Variants in MIPEP observed in about 807,000 individuals in gnomAD.
MIPEP encodes the protein mitochondrial intermediate peptidase.
Under a neutral mutation model 90.3 loss-of-function variants are expected in MIPEP, and 79 were observed. That is an observed-to-expected ratio of 0.87 (90% CI 0.73 to 1.05). The LOEUF is 1.05. Among genes scored for constraint, MIPEP ranks in the 50% least tolerant of loss-of-function variants. MIPEP has a pLI of 0.00. For missense variants in MIPEP, 940 were observed against 905.6 expected (o/e 1.04, Z -0.49); for synonymous variants, 334 against 315.8 (o/e 1.06, Z -0.61).
chr13:23,804,204 CTT>C (rs1343961665), intron 16 of MIPEP, among the ~76,000 whole-genome samples: 1 of 152,178 alleles, frequency 6.6e-6, no homozygotes, highest in East Asian at 1.9e-4. Flanking sequence ...GACATAATTA[CTT>C]TATTATTAGA....
At chr13:23,752,991 A>C (rs1182312043) in intron 18 of MIPEP, among the ~76,000 whole-genome samples, 1 of 152,022 alleles carries the variant, frequency 6.6e-6, no homozygotes, top group Non-Finnish European at 1.5e-5. Flanking sequence ...ACTTTGGGAG[A>C]CCAAGGAGGG....
intron 16 of MIPEP, among the ~76,000 whole-genome samples, chr13:23,789,290 T>G (rs987016988): frequency 6.6e-6 from 1 of 152,238 alleles, no homozygotes; most frequent in African/African-American, 2.4e-5. Flanking sequence ...CTCTTTGCAT[T>G]TGTGATTTCT....
intron 18 of MIPEP, among the ~76,000 whole-genome samples, chr13:23,741,137 A>G (rs976421100): frequency 6.6e-6 from 1 of 152,218 alleles, no homozygotes; most frequent in Non-Finnish European, 1.5e-5. Flanking sequence ...TACACCAGTC[A>G]CAATGGTTAT....
chr13:23,777,361 G>C (rs1952730198), intron 16 of MIPEP, among the ~76,000 whole-genome samples: 1 of 152,196 alleles, frequency 6.6e-6, no homozygotes, highest in Non-Finnish European at 1.5e-5. Flanking sequence ...AGGAGTCATA[G>C]GTTGTAGGTT....
chr13:23,755,867 GT>G (rs1252908430), intron 18 of MIPEP, among the ~76,000 whole-genome samples: 3 of 151,592 alleles, frequency 2.0e-5, no homozygotes, highest in Non-Finnish European at 4.4e-5. Flanking sequence ...AAAATATGTA[GT>G]TTTAAACTTT....
intron 16 of MIPEP, among the ~76,000 whole-genome samples, chr13:23,799,385 T>C (rs1953007654): frequency 6.6e-6 from 1 of 152,020 alleles, no homozygotes; most frequent in South Asian, 2.1e-4. Context: ...TGGAGTGCAG[T>C]GGTGCGATGT....
intron 18 of MIPEP, among the ~76,000 whole-genome samples, chr13:23,738,971 G>A (rs2138485590): frequency 6.6e-6 from 1 of 152,338 alleles, no homozygotes; most frequent in Non-Finnish European, 1.5e-5. Context: ...AGATGGACCT[G>A]CGGAAACCTG....
At chr13:23,879,869 A>G (rs1157033332) in intron 3 of MIPEP, among the ~76,000 whole-genome samples, 3 of 152,104 alleles carry the variant, frequency 2.0e-5, no homozygotes, top group Admixed American at 6.5e-5. Flanking sequence ...CACATTTCCT[A>G]TGTGAATGAA....
At chr13:23,808,807 A>G (rs1953140685) in intron 15 of MIPEP, among the ~76,000 whole-genome samples, 1 of 152,254 alleles carries the variant, frequency 6.6e-6, no homozygotes, top group Non-Finnish European at 1.5e-5. Flanking sequence ...TCTATATAAT[A>G]GATTTCCTTC....
chr13:23,850,783 GA>G (rs1469576140), intron 10 of MIPEP, among the ~76,000 whole-genome samples: 1 of 152,200 alleles, frequency 6.6e-6, no homozygotes, highest in African/African-American at 2.4e-5. Flanking sequence ...ATCAAAATGT[GA>G]AATCAAACAG....
At chr13:23,816,807 G>A (rs1160371477) in intron 14 of MIPEP, among the ~76,000 whole-genome samples, 2 of 152,298 alleles carry the variant, frequency 1.3e-5, no homozygotes, top group East Asian at 3.9e-4. Flanking sequence ...AGCACCCAGA[G>A]GAGGCCGACA....
chr13:23,818,255 TAAA>T (rs79782871), intron 14 of MIPEP, among the ~76,000 whole-genome samples: 11 of 145,848 alleles, frequency 7.5e-5, no homozygotes, highest in African/African-American at 1.5e-4. Flanking sequence ...TGTATCTACT[TAAA>T]AAAAAAAAAA....
intron 18 of MIPEP, among the ~76,000 whole-genome samples, chr13:23,738,747 T>C (rs1952291986): frequency 2.6e-5 from 4 of 152,186 alleles, no homozygotes; most frequent in Non-Finnish European, 4.4e-5. Context: ...CCTCTGTGAC[T>C]GGCTGAGACT....
rs532230222 is a variant in MIPEP, at chr13:23,838,437, C to T, written c.1339-681G>A. Among the ~76,000 whole-genome samples, 3 of 152,204 alleles carry T rather than the reference C, an allele frequency of 2.0e-5. No individual in the cohort carries two copies. The East Asian group carries it at 5.8e-4, about 29-fold the overall frequency. ...TTCTGGGATTACAGGCATGAGCCACCGCGCCCAGCCTCTCTTGACTTTTAT... is the reference window on the plus strand; with the variant it reads ...TTCTGGGATTACAGGCATGAGCCACTGCGCCCAGCCTCTCTTGACTTTTAT... On this transcript the variant is annotated intron_variant, in intron 12 of 18. Transcript: ENST00000382172.
intron 18 of MIPEP, among the ~76,000 whole-genome samples, chr13:23,735,913 CAAA>C (rs776366706): frequency 6.6e-6 from 1 of 151,360 alleles, no homozygotes; most frequent in African/African-American, 2.4e-5. Flanking sequence ...AAAAAAAAAA[CAAA>C]AAAAACAATG....
chr13:23,856,998 A>T (rs931401574), intron 10 of MIPEP, among the ~76,000 whole-genome samples: 1 of 151,928 alleles, frequency 6.6e-6, no homozygotes, highest in African/African-American at 2.4e-5. Context: ...TAAAAATTAG[A>T]ATATTTAATA....
Position 23,855,544 on chromosome 13 carries a change from G to C in MIPEP, c.1106+3316C>G, listed in dbSNP as rs556046698. The stretch of plus-strand genomic sequence containing the variant: ...ACTTGAAAGGTGATGAATTTAACAA[G>C]GATTTAGAAATCTTCACTTTGTTCC... On this transcript the variant is annotated intron_variant, in intron 10 of 18. Coordinates refer to ENST00000382172, the MANE Select transcript of MIPEP (RefSeq NM_005932.4). 3.7e-4 allele frequency among the ~76,000 whole-genome samples: 56 copies of C among 152,226 alleles called. 1 individual carries two copies. In the South Asian group the frequency reaches 0.011, roughly 30 times the overall value.
intron 14 of MIPEP, 91 bp from the exon 15 acceptor site, chr13:23,810,015 A>C: frequency 1.5e-6 from 1 of 681,020 alleles, no homozygotes. Flanking sequence ...ATAACATCAA[A>C]TGTAACATGA....
intron 10 of MIPEP, among the ~76,000 whole-genome samples, chr13:23,857,606 A>C (rs753507): frequency 7.2e-5 from 11 of 152,108 alleles, no homozygotes; most frequent in African/African-American, 2.7e-4. Flanking sequence ...AAAATAAAAA[A>C]TAGTAACTGA....
Sources: gnomAD v4.1 joint callset for allele counts (sites outside exome capture counted in the v4.1 genomes callset) on GRCh38, gnomAD v4.1.1 for gene constraint, MANE v1.5 for transcripts, NCBI Gene and HGNC (gene_info 2026-07-23, HGNC 2026-07-21) for gene names.